The following POLR1A variants were observed in gnomAD, a reference collection of about 807,000 sequenced individuals.
The protein encoded by POLR1A is RNA polymerase I subunit A.
A neutral mutation model predicts 205.3 loss-of-function variants in POLR1A; 84 were observed. That is an observed-to-expected ratio of 0.41 (90% CI 0.34 to 0.49). POLR1A has a LOEUF of 0.49. POLR1A is among the 20% of genes least tolerant of loss of function. The probability of loss-of-function intolerance (pLI) is 0.22; values close to 1 mark genes in which losing one functional copy is unlikely to be tolerated. For synonymous variants in POLR1A, 799 were observed against 863.7 expected, an observed-to-expected ratio of 0.93 and a Z score of 1.31; for missense variants, 1,645 against 2,204.5, an observed-to-expected ratio of 0.75 and a Z score of 5.08.
At chr2:86,080,673 A>G in intron 9 of POLR1A, 143 bp downstream of exon 9, 2 of 705,238 alleles carry the variant, frequency 2.8e-6, no homozygotes, top group Non-Finnish European at 4.5e-6. Flanking sequence ...GTGCCCCCTA[A>G]GCCCAGAGCT....
chr2:86,082,608 T>TA (rs1255546090), intron 7 of POLR1A, among the ~76,000 whole-genome samples: 1 of 152,042 alleles, frequency 6.6e-6, no homozygotes, highest in Non-Finnish European at 1.5e-5. Context: ...ACAGAGGTTA[T>TA]AGTCAGCGTT....
At chr2:86,101,893 C>T (rs1399468020) in intron 1 of POLR1A, among the ~76,000 whole-genome samples, 1 of 152,154 alleles carries the variant, frequency 6.6e-6, no homozygotes, top group Non-Finnish European at 1.5e-5. Context: ...CCGTACTTGT[C>T]CTTTTGTGAC....
At chr2:86,081,759 C>A in intron 7 of POLR1A, 53 bp from the exon 8 acceptor site, 1 of 994,840 alleles carries the variant, frequency 1.0e-6, no homozygotes, top group Non-Finnish European at 1.6e-6. Context: ...TCACTAAGGG[C>A]ATGGGAGGAC....
In POLR1A at chr2:86,041,374, C is replaced by T. The variant is rs943209095; in HGVS notation, c.3572+515G>A. 1.0e-4 allele frequency among the ~76,000 whole-genome samples: 14 copies of T among 135,558 alleles called. No homozygotes were observed. In the East Asian group the frequency reaches 1.1e-3, roughly 10 times the overall value. The allele number at this position is 135,558 out of a possible 152,430, so 88.9% of individuals were successfully genotyped here. ...AGGTGTGTGTGTGTGTGCGCGCGCG[C>T]GCTGAGCTACAGTGTCTGTGTGTGT... On this transcript the variant is annotated intron_variant, in intron 24 of 33. Transcript: ENST00000263857.
rs751585045 is a variant in POLR1A, at chr2:86,043,160, T to G, written c.3171A>C (p.Leu1057Phe). 5 of 1,613,910 alleles carry G rather than the reference T, an allele frequency of 3.1e-6. No individual in the cohort carries two copies. Among genetic ancestry groups the G allele is most frequent in the South Asian group, 2.2e-5 (2 of 91,066 alleles). ...IMKSQHLHEVLSRADPKKALH... is the reference protein window; with the variant it reads ...IMKSQHLHEVFSRADPKKALH... ...GAGCTTTTTTGGGATCTGCTCTGGA[T>G]AAAACTTCATGGAGATGCTGTGATT... Residue 1057 changes from leucine (L) to phenylalanine (F), a missense_variant, in exon 23 of 34, where the codon TTA becomes TTC. Transcript: ENST00000263857.
intron 6 of POLR1A, among the ~76,000 whole-genome samples, chr2:86,087,305 T>C (rs944038133): frequency 1.3e-5 from 2 of 152,260 alleles, no homozygotes; most frequent in Non-Finnish European, 2.9e-5. Context: ...ATGTAAAACA[T>C]ACATCATGCA....
chr2:86,098,134 T>G (rs973026704), intron 3 of POLR1A, among the ~76,000 whole-genome samples: 1 of 152,236 alleles, frequency 6.6e-6, no homozygotes, highest in African/African-American at 2.4e-5. Context: ...CAAAGTACCC[T>G]GTATCATGTA....
At chr2:86,089,731 G>A in intron 4 of POLR1A, 91 bp downstream of exon 4, 2 of 804,928 alleles carry the variant, frequency 2.5e-6, no homozygotes. Context: ...GTCTACTTTG[G>A]GAAGCCAGAA....
intron 27 of POLR1A, among the ~76,000 whole-genome samples, chr2:86,037,865 C>G (rs973583228): frequency 1.3e-5 from 2 of 152,248 alleles, no homozygotes; most frequent in Non-Finnish European, 2.9e-5. Context: ...TGTGGCCCCC[C>G]GGGCCTCCAT....
chr2:86,053,303 C>G (rs1360365567), intron 15 of POLR1A, among the ~76,000 whole-genome samples: 1 of 151,746 alleles, frequency 6.6e-6, no homozygotes, highest in Non-Finnish European at 1.5e-5. Flanking sequence ...TGTTTTATAT[C>G]CCCTACTCCC....
chr2:86,077,488 C>T (rs1020350500), intron 11 of POLR1A, among the ~76,000 whole-genome samples: 1 of 152,142 alleles, frequency 6.6e-6, no homozygotes, highest in African/African-American at 2.4e-5. Context: ...TCTTCCTCTC[C>T]CCTGTCATGT....
intron 1 of POLR1A, among the ~76,000 whole-genome samples, chr2:86,104,736 C>T (rs1031824678): frequency 2.0e-5 from 3 of 152,176 alleles, no homozygotes; most frequent in Non-Finnish European, 2.9e-5. Context: ...CGTGAGCCAC[C>T]GTGCCCGGCC....
rs1379855229 is a variant in POLR1A at position 86,023,138 on chromosome 2, T to C, written c.*4285A>G. ...TGGACGGAAGTGGGGTGGAGGTTGA[T>C]GGTGTAGGAACTTTGGAATTTTTGA... On this transcript the variant is annotated 3_prime_UTR_variant, in exon 34 of 34. Transcript: ENST00000263857. The C allele has an allele frequency of 1.3e-5, 2 of 152,266 alleles. No homozygotes were observed. Among genetic ancestry groups the C allele is most frequent in the Admixed American group, 6.5e-5 (1 of 15,284 alleles). The allele number at this position is 152,266 out of a possible 1,614,324, so 9.4% of individuals were successfully genotyped here.
At chr2:86,093,919 A>G (rs1292330533) in intron 3 of POLR1A, among the ~76,000 whole-genome samples, 1 of 152,226 alleles carries the variant, frequency 6.6e-6, no homozygotes, top group Non-Finnish European at 1.5e-5. Context: ...ATAGTTCCTT[A>G]GTCTTTAACT....
At chr2:86,076,431 A>G (rs2104418103) in intron 11 of POLR1A, among the ~76,000 whole-genome samples, 1 of 152,312 alleles carries the variant, frequency 6.6e-6, no homozygotes, top group African/African-American at 2.4e-5. Flanking sequence ...ACCCCTGGAC[A>G]CTGCTTTATA....
At chr2:86,052,129 G>A (rs1672814035) in intron 16 of POLR1A, among the ~76,000 whole-genome samples, 1 of 152,204 alleles carries the variant, frequency 6.6e-6, no homozygotes, top group South Asian at 2.1e-4. Context: ...ATTTTTAGTA[G>A]AGACGGGGTT....
At chr2:86,089,083 T>C (rs1271997695) in intron 4 of POLR1A, among the ~76,000 whole-genome samples, 3 of 152,194 alleles carry the variant, frequency 2.0e-5, no homozygotes, top group African/African-American at 7.2e-5. Flanking sequence ...AATTATAATA[T>C]GGGAATAAGA....
intron 28 of POLR1A, 38 bp downstream of exon 28, chr2:86,033,623 C>T: frequency 1.2e-6 from 2 of 1,605,380 alleles, no homozygotes; most frequent in Non-Finnish European, 1.7e-6. Flanking sequence ...TGGGGGCTGT[C>T]CCTGTGCAAC....
intron 14 of POLR1A, among the ~76,000 whole-genome samples, chr2:86,063,771 T>C (rs2104407441): frequency 6.6e-6 from 1 of 152,240 alleles, no homozygotes; most frequent in African/African-American, 2.4e-5. Flanking sequence ...ACCTTAGAGA[T>C]CATGAACTTG....
Sources: allele counts gnomAD v4.1 joint callset (sites outside exome capture counted in the v4.1 genomes callset), GRCh38; gene constraint gnomAD v4.1.1; transcripts MANE v1.5; gene names NCBI Gene and HGNC (gene_info 2026-07-23, HGNC 2026-07-21).